The following MAST2 variants were observed in gnomAD, a reference collection of about 807,000 sequenced individuals.
MAST2 encodes microtubule associated serine/threonine kinase 2.
MAST2 carries 70 observed loss-of-function variants against 147.4 expected under a neutral mutation model. The observed-to-expected ratio is 0.47, with a 90% CI of 0.39 to 0.58. The LOEUF (loss-of-function observed/expected upper bound fraction) is 0.58, where lower values mean the gene tolerates loss of function less well. Ranked by LOEUF, MAST2 falls within the 20% of genes least tolerant of loss-of-function variation. The pLI is 0.00. For synonymous variants in MAST2, 869 were observed against 896.8 expected, an observed-to-expected ratio of 0.97 and a Z score of 0.55; for missense variants, 2,080 against 2,302.3, an observed-to-expected ratio of 0.90 and a Z score of 1.98.
At chr1:45,862,943 C>A (rs1288424517) in intron 3 of MAST2, among the ~76,000 whole-genome samples, 2 of 152,150 alleles carry the variant, frequency 1.3e-5, no homozygotes, top group East Asian at 3.8e-4. Context: ...TTTGTCATAC[C>A]TTTTAGCACA....
intron 1 of MAST2, among the ~76,000 whole-genome samples, chr1:45,821,433 C>T (rs1570227352): frequency 6.6e-6 from 1 of 151,310 alleles, no homozygotes; most frequent in East Asian, 1.9e-4. Context: ...TGAATTTAAC[C>T]TGCTTAGAAG....
intron 16 of MAST2, among the ~76,000 whole-genome samples, chr1:46,027,432 ACT>A (rs1442045716): frequency 1.3e-5 from 2 of 152,008 alleles, no homozygotes; most frequent in Admixed American, 6.6e-5. Flanking sequence ...TGTAGAAGAA[ACT>A]CTGTTCCTCA....
At chr1:45,976,419 A>G (rs1644161067) in intron 5 of MAST2, among the ~76,000 whole-genome samples, 1 of 152,186 alleles carries the variant, frequency 6.6e-6, no homozygotes, top group South Asian at 2.1e-4. Flanking sequence ...CGACATGATA[A>G]AACCCCATCT....
intron 4 of MAST2, among the ~76,000 whole-genome samples, chr1:45,940,149 C>T (rs1045339591): frequency 4.0e-5 from 6 of 151,430 alleles, no homozygotes; most frequent in African/African-American, 1.2e-4. Flanking sequence ...CCCACTGCCA[C>T]GCCTGGCTAA....
chr1:45,871,205 A>G (rs1328099717), intron 3 of MAST2, among the ~76,000 whole-genome samples: 1 of 145,430 alleles, frequency 6.9e-6, no homozygotes. Flanking sequence ...CTACATCTCT[A>G]TGCCTTACTG....
chr1:45,911,034 T>C (rs1275592689), intron 4 of MAST2, among the ~76,000 whole-genome samples: 1 of 152,228 alleles, frequency 6.6e-6, no homozygotes, highest in Non-Finnish European at 1.5e-5. Context: ...GTGTGTTATT[T>C]TGCAGGATCT....
chr1:45,856,880 G>C (rs1358685636), intron 3 of MAST2, among the ~76,000 whole-genome samples: 1 of 151,994 alleles, frequency 6.6e-6, no homozygotes, highest in Non-Finnish European at 1.5e-5. Context: ...CATATGTAGG[G>C]AGTAGACTTA....
At chr1:45,962,581 G>C (rs528440928) in intron 5 of MAST2, among the ~76,000 whole-genome samples, 1 of 152,312 alleles carries the variant, frequency 6.6e-6, no homozygotes, top group African/African-American at 2.4e-5. Flanking sequence ...TTTGAGAAGT[G>C]TCTGTTCATA....
At chr1:46,013,687 A>C (rs577848661) in intron 10 of MAST2, among the ~76,000 whole-genome samples, 2 of 152,190 alleles carry the variant, frequency 1.3e-5, no homozygotes, top group South Asian at 4.2e-4. Flanking sequence ...TCTCAAAAAA[A>C]AAAAAAAGAA....
intron 5 of MAST2, among the ~76,000 whole-genome samples, chr1:45,984,521 C>G (rs979569597): frequency 6.6e-6 from 1 of 151,970 alleles, no homozygotes; most frequent in Admixed American, 6.6e-5. Flanking sequence ...GTTGCCCAGG[C>G]TGGTCTTGAA....
intron 3 of MAST2, chr1:45,865,027 C>T (rs1437377181): frequency 2.3e-6 from 1 of 442,486 alleles, no homozygotes; most frequent in Non-Finnish European, 4.5e-6. Context: ...GATTGTTTGC[C>T]TCTTTATCCA....
intron 3 of MAST2, among the ~76,000 whole-genome samples, chr1:45,860,568 A>T (rs1412268307): frequency 6.6e-6 from 1 of 152,088 alleles, no homozygotes; most frequent in African/African-American, 2.4e-5. Context: ...GCAGTGGCTG[A>T]TGCCTGTAAT....
rs565311445 is a variant in MAST2, at chr1:46,024,266, A to G, written c.1780+286A>G. The G allele has an allele frequency of 2.4e-4, 97 of 401,432 alleles. 1 individual carries two copies. The highest frequency in any genetic ancestry group is 4.7e-5 in the Non-Finnish European group (10 of 212,544). 24.9% of individuals were successfully genotyped at this position (401,432 alleles called of 1,614,324 possible). On this transcript the variant is annotated intron_variant, in intron 15 of 28. Coordinates refer to ENST00000361297, the MANE Select transcript of MAST2 (RefSeq NM_015112.3). Reference sequence around the variant, plus strand: ...ACGCTCTCTACTGCTGGTATCAGACAGCAACAGAGGAGGCAGCAGAGCTAC... The same window carrying G: ...ACGCTCTCTACTGCTGGTATCAGACGGCAACAGAGGAGGCAGCAGAGCTAC...
Position 46,033,786 on chromosome 1 carries a change from ATGCTC to A in MAST2, c.3538-10_3538-6del. ...ATGGCTCCAGCTTAGCCTAGGCCTC[ATGCTC>A]TGCTCCCCAGAGTGGAAACAAGGTG... On this transcript the variant is annotated splice_polypyrimidine_tract_variant and intron_variant, in intron 26 of 28. Coordinates refer to ENST00000361297, the MANE Select transcript of MAST2 (RefSeq NM_015112.3). 3 of 1,613,602 alleles carry A rather than the reference ATGCTC, an allele frequency of 1.9e-6. No individual in the cohort carries two copies. Among genetic ancestry groups the A allele is most frequent in the Non-Finnish European group, 2.5e-6 (3 of 1,179,586 alleles).
intron 5 of MAST2, among the ~76,000 whole-genome samples, chr1:45,962,319 A>C (rs1226903878): frequency 6.6e-6 from 1 of 151,904 alleles, no homozygotes; most frequent in Non-Finnish European, 1.5e-5. Context: ...TGGTATTTCT[A>C]GTTCTAGATC....
At chr1:45,885,459 A>T (rs1378734484) in intron 4 of MAST2, among the ~76,000 whole-genome samples, 1 of 152,246 alleles carries the variant, frequency 6.6e-6, no homozygotes, top group Non-Finnish European at 1.5e-5. Flanking sequence ...CAGGAACTCA[A>T]ATATGAGTTT....
In MAST2 at chr1:45,991,212, G is replaced by A. The variant is rs553713389; in HGVS notation, c.593-6512G>A. Among the ~76,000 whole-genome samples the A allele has an allele frequency of 1.1e-4, 17 of 152,188 alleles. No individual in the cohort carries two copies. The South Asian group carries it at 3.5e-3, about 32-fold the overall frequency. On this transcript the variant is annotated intron_variant, in intron 5 of 28. Transcript: ENST00000361297. Reference sequence around the variant, plus strand: ...ATATCAGTTGACTATATTTGTATGGGTCTGTTTGTGGAGTCTCTGCTTTGT... The same window carrying A: ...ATATCAGTTGACTATATTTGTATGGATCTGTTTGTGGAGTCTCTGCTTTGT...
chr1:46,025,744 T>C lies in MAST2; in HGVS notation c.1848T>C (p.Phe616=). Residue 616 remains phenylalanine, a synonymous_variant, in exon 16 of 29, where the codon TTT becomes TTC. Transcript: ENST00000361297. ...CTGTGGACATGGTGCGTCTATACTT[T>C]GCGGAAACTGTGCTGGCCCTGGAGT... is the stretch of plus-strand genomic sequence containing the variant. ...ALPVDMVRLY[F]AETVLALEYL... is the part of the protein sequence containing the mutation. 1.2e-6 allele frequency: 2 copies of C among 1,614,206 alleles called. No individual in the cohort carries two copies. The highest frequency in any genetic ancestry group is 1.7e-6 in the Non-Finnish European group (2 of 1,180,042).
intron 4 of MAST2, among the ~76,000 whole-genome samples, chr1:45,907,868 A>G (rs1256245157): frequency 6.6e-6 from 1 of 152,216 alleles, no homozygotes; most frequent in Non-Finnish European, 1.5e-5. Context: ...GCACATCTAT[A>G]TTAAAGTCAG....
Sources: allele counts gnomAD v4.1 joint callset (sites outside exome capture counted in the v4.1 genomes callset), GRCh38; gene constraint gnomAD v4.1.1; transcripts MANE v1.5; gene names NCBI Gene and HGNC (gene_info 2026-07-23, HGNC 2026-07-21).